Variants in CNTNAP2 observed in about 807,000 individuals in gnomAD.
CNTNAP2 encodes the protein contactin-associated protein-like 2.
Under a neutral mutation model 155.2 loss-of-function variants are expected in CNTNAP2, and 98 were observed. That is an observed-to-expected ratio of 0.63 (90% CI 0.54 to 0.75). The LOEUF (loss-of-function observed/expected upper bound fraction) is 0.75. CNTNAP2 is among the 30% of genes least tolerant of loss of function. The pLI, the probability that CNTNAP2 is intolerant of heterozygous loss-of-function variation, is 0.00. For synonymous variants in CNTNAP2, 651 were observed against 631.2 expected, an observed-to-expected ratio of 1.03 and a Z score of -0.47; for missense variants, 1,727 against 1,688.1, an observed-to-expected ratio of 1.02 and a Z score of -0.40.
intron 18 of CNTNAP2, among the ~76,000 whole-genome samples, chr7:148,205,041 C>A (rs1562993990): frequency 6.6e-6 from 1 of 152,216 alleles, no homozygotes; most frequent in Non-Finnish European, 1.5e-5. Flanking sequence ...GTACCTGGCT[C>A]CCATCCACAA....
At position 146,116,938 on chromosome 7, in the gene CNTNAP2, G is replaced by A. The variant is rs1341597305; in HGVS notation, c.62G>A (p.Cys21Tyr). The A allele has an allele frequency of 3.9e-6, 6 of 1,552,018 alleles. No homozygotes were observed. In the African/African-American group the frequency reaches 6.8e-5, roughly 18 times the overall value. Residue 21 changes from cysteine (C) to tyrosine (Y), a missense_variant, in exon 1 of 24, where the codon TGC becomes TAC. Cys to Tyr is a radical substitution (Grantham distance 194, BLOSUM62 -2). Coordinates refer to ENST00000361727, the MANE Select transcript of CNTNAP2 (RefSeq NM_014141.6). This position sits in a 1 kb window ranked among gnomAD's most constrained non-coding sequence, Gnocchi z 5.5. ...CTCCTGCTGTGGATTGTCAGCAGCTGCCTCTGCAGAGCCTGGACGGCTCCC... is the reference window on the plus strand; with the variant it reads ...CTCCTGCTGTGGATTGTCAGCAGCTACCTCTGCAGAGCCTGGACGGCTCCC... Reference protein sequence around the residue: ...AALLLWIVSSCLCRAWTAPST... With the variant: ...AALLLWIVSSYLCRAWTAPST...
chr7:147,549,622 C>A (rs1369887501), intron 11 of CNTNAP2, among the ~76,000 whole-genome samples: 1 of 152,112 alleles, frequency 6.6e-6, no homozygotes, highest in Non-Finnish European at 1.5e-5. Context: ...AAAGGGGAAC[C>A]CATATACTTG....
rs10240482 is a variant in CNTNAP2, at chr7:147,977,856, A to G, written c.2256-6A>G. The stretch of plus-strand genomic sequence containing the variant: ...CATTCTTTTTCTGTCTTTCCCTGTG[A>G]TCCAGGAGGAAGGATGCTGGTTTCT... On this transcript the variant is annotated splice_polypyrimidine_tract_variant and splice_region_variant and intron_variant, in intron 14 of 23. Coordinates refer to ENST00000361727, the MANE Select transcript of CNTNAP2 (RefSeq NM_014141.6). 6 of 1,613,828 alleles carry G rather than the reference A, an allele frequency of 3.7e-6. No homozygotes were observed. The highest frequency in any genetic ancestry group is 5.1e-6 in the Non-Finnish European group (6 of 1,179,900).
chr7:146,963,132 TAAAG>T (rs1797587672), intron 3 of CNTNAP2: 1 of 152,230 alleles, frequency 6.6e-6, no homozygotes, highest in Non-Finnish European at 1.5e-5. Flanking sequence ...AAATTCATTA[TAAAG>T]AGTTTGGCTA....
intron 1 of CNTNAP2, among the ~76,000 whole-genome samples, chr7:146,497,453 C>A (rs1250302654): frequency 6.6e-6 from 1 of 152,036 alleles, no homozygotes; most frequent in African/African-American, 2.4e-5. Context: ...CTTCTTCCTT[C>A]CAGTAAACAA....
chr7:147,611,913 T>G (rs1303862227), intron 12 of CNTNAP2, among the ~76,000 whole-genome samples: 2 of 152,154 alleles, frequency 1.3e-5, no homozygotes, highest in Non-Finnish European at 2.9e-5. Flanking sequence ...ATATTGCATA[T>G]TTGGGGTGAA....
chr7:146,474,144 G>A (rs1796839198), intron 1 of CNTNAP2, among the ~76,000 whole-genome samples: 1 of 151,850 alleles, frequency 6.6e-6, no homozygotes, highest in Non-Finnish European at 1.5e-5. Flanking sequence ...CAATATTTCT[G>A]CACAATGTAT....
chr7:148,093,377 A>C (rs1034024445), intron 15 of CNTNAP2, among the ~76,000 whole-genome samples: 6 of 152,226 alleles, frequency 3.9e-5, no homozygotes, highest in Non-Finnish European at 7.3e-5. Flanking sequence ...TTTCTCATAC[A>C]TATTTGACTG....
chr7:147,917,719 T>TA (rs1465811830), intron 14 of CNTNAP2, among the ~76,000 whole-genome samples: 2 of 152,128 alleles, frequency 1.3e-5, no homozygotes, highest in Non-Finnish European at 1.5e-5. Flanking sequence ...AAATGAGCAT[T>TA]AAGGGGCAAC....
chr7:147,541,614 T>G (rs1367985430), intron 11 of CNTNAP2, among the ~76,000 whole-genome samples: 1 of 152,176 alleles, frequency 6.6e-6, no homozygotes, highest in African/African-American at 2.4e-5. Context: ...ATAAAATCAA[T>G]GTGGTCAATT....
chr7:147,611,065 A>G (rs1327330386), intron 12 of CNTNAP2, among the ~76,000 whole-genome samples: 1 of 150,714 alleles, frequency 6.6e-6, no homozygotes, highest in Non-Finnish European at 1.5e-5. Context: ...AACCACAGTT[A>G]GGTCAGTGTG....
intron 13 of CNTNAP2, among the ~76,000 whole-genome samples, chr7:147,662,572 A>C (rs1441954769): frequency 6.6e-6 from 1 of 152,240 alleles, no homozygotes; most frequent in African/African-American, 2.4e-5. Context: ...TGATACCATC[A>C]GGTAGCAGAT....
chr7:147,295,132 A>G (rs1805409575), intron 8 of CNTNAP2, among the ~76,000 whole-genome samples: 1 of 152,032 alleles, frequency 6.6e-6, no homozygotes, highest in South Asian at 2.1e-4. Flanking sequence ...TAATCCACCT[A>G]CTCAAAGCCT....
At chr7:146,694,802 T>G (rs987646748) in intron 1 of CNTNAP2, among the ~76,000 whole-genome samples, 1 of 152,188 alleles carries the variant, frequency 6.6e-6, no homozygotes, top group African/African-American at 2.4e-5. Flanking sequence ...CATGTAGATC[T>G]TATACATATT....
chr7:147,865,128 T>C (rs1215236373), intron 13 of CNTNAP2, among the ~76,000 whole-genome samples: 2 of 152,230 alleles, frequency 1.3e-5, no homozygotes, highest in Non-Finnish European at 2.9e-5. Flanking sequence ...TGGGAGTTTT[T>C]AGCAGGAAGG....
chr7:148,046,871 T>C (rs1261417596), intron 15 of CNTNAP2, among the ~76,000 whole-genome samples: 2 of 152,206 alleles, frequency 1.3e-5, no homozygotes, highest in East Asian at 1.9e-4. Context: ...TGAAACTGAA[T>C]AGTCTCTTCT....
intron 15 of CNTNAP2, among the ~76,000 whole-genome samples, chr7:148,069,139 A>G (rs188993421): frequency 1.4e-3 from 217 of 152,222 alleles, no homozygotes; most frequent in Non-Finnish European, 2.1e-3. Flanking sequence ...ACTGTTTTAT[A>G]TATTTTGTCC....
At chr7:147,124,466 G>A (rs13223406) in intron 6 of CNTNAP2, among the ~76,000 whole-genome samples, 15,058 of 152,144 alleles carry the variant, frequency 0.099, 777 homozygotes, top group Non-Finnish European at 0.12. Context: ...TTCATGGTGC[G>A]AATTTCCCAC....
chr7:146,410,565 A>G (rs546084047), intron 1 of CNTNAP2, among the ~76,000 whole-genome samples: 1 of 152,130 alleles, frequency 6.6e-6, no homozygotes, highest in African/African-American at 2.4e-5. Context: ...AACTTGTGTC[A>G]TGGGAGTTTG....
Sources: gnomAD v4.1 joint callset for allele counts (sites outside exome capture counted in the v4.1 genomes callset) on GRCh38, gnomAD v4.1.1 for gene constraint, Gnocchi (gnomAD v3.1) non-coding constraint, MANE v1.5 for transcripts, NCBI Gene and HGNC (gene_info 2026-07-23, HGNC 2026-07-21) for gene names.